EPHX2: variants seen among roughly 807,000 people sequenced by gnomAD.
EPHX2 encodes the protein bifunctional epoxide hydrolase 2.
A neutral mutation model predicts 78.7 loss-of-function variants in EPHX2; 74 were observed. The ratio of observed to expected loss-of-function variants is 0.94; its 90% CI spans 0.78 to 1.14. EPHX2 has a LOEUF of 1.14. Among genes scored for constraint, EPHX2 ranks in the 50% most tolerant of loss-of-function variants. EPHX2 has a pLI of 0.00. For missense variants in EPHX2, 715 were observed against 702.5 expected, an observed-to-expected ratio of 1.02 and a Z score of -0.20; for synonymous variants, 251 against 255.2, an observed-to-expected ratio of 0.98 and a Z score of 0.16.
chr8:27,518,627 G>A (rs1814542661), intron 9 of EPHX2, among the ~76,000 whole-genome samples: 1 of 152,226 alleles, frequency 6.6e-6, no homozygotes, highest in Non-Finnish European at 1.5e-5. Context: ...GAGCCCAGGG[G>A]AGGAAACAGC....
At chr8:27,512,444 C>G (rs1029237839) in intron 6 of EPHX2, among the ~76,000 whole-genome samples, 1 of 152,232 alleles carries the variant, frequency 6.6e-6, no homozygotes, top group Non-Finnish European at 1.5e-5. Flanking sequence ...CAAGACAGAC[C>G]TGTCCTCAAG....
intron 9 of EPHX2, among the ~76,000 whole-genome samples, chr8:27,520,378 C>G (rs1273822410): frequency 6.6e-6 from 1 of 151,084 alleles, no homozygotes; most frequent in African/African-American, 2.4e-5. Flanking sequence ...GATGGAGTTT[C>G]ACTTTGTTAC....
At chr8:27,502,092 C>T (rs1349272237) in intron 2 of EPHX2, among the ~76,000 whole-genome samples, 4 of 152,198 alleles carry the variant, frequency 2.6e-5, no homozygotes, top group East Asian at 3.8e-4. Flanking sequence ...CACATAACCC[C>T]GCTCTGGATA....
rs749968167 is a variant in EPHX2, at chr8:27,511,895, G to A, written c.720G>A (p.Gly240=). The change falls in exon 6 of 19, where the codon GGG becomes GGA. Residue 240 remains glycine (G), a synonymous_variant. Coordinates refer to ENST00000521400, the MANE Select transcript of EPHX2 (RefSeq NM_001979.6). ...TSCNPSDMSH[G]YVTVKPRVRL... ...GCAATCCAAGTGACATGAGCCATGGGTACGTGACAGTAAAGGTGAGTCAGT... is the reference window on the plus strand; with the variant it reads ...GCAATCCAAGTGACATGAGCCATGGATACGTGACAGTAAAGGTGAGTCAGT... 1 of 1,614,100 alleles carries A rather than the reference G, an allele frequency of 6.2e-7. No individual in the cohort carries two copies.
rs11989325 is a variant in EPHX2 at position 27,545,497 on chromosome 8, G to C, written c.*975G>C. 1.4e-4 allele frequency: 21 copies of C among 151,736 alleles called. No individual in the cohort carries two copies. The highest frequency in any genetic ancestry group is 5.1e-4 in the African/African-American group (21 of 41,062). 9.4% of individuals were successfully genotyped at this position (151,736 alleles called of 1,614,324 possible). Reference sequence around the variant, plus strand: ...CCCACATGGTTGGATCCTGAAACTCGCAGGGCCTCCCCCAACTGCCCCTGC... The same window carrying C: ...CCCACATGGTTGGATCCTGAAACTCCCAGGGCCTCCCCCAACTGCCCCTGC... On this transcript the variant is annotated 3_prime_UTR_variant, in exon 19 of 19. Transcript: ENST00000521400.
intron 11 of EPHX2, among the ~76,000 whole-genome samples, chr8:27,523,265 C>T (rs1245426252): frequency 6.6e-6 from 1 of 152,230 alleles, no homozygotes; most frequent in Non-Finnish European, 1.5e-5. Context: ...TGCCTGACTC[C>T]ACAACCAGAA....
At chr8:27,507,762 G>A (rs527459044) in intron 5 of EPHX2, among the ~76,000 whole-genome samples, 2 of 152,276 alleles carry the variant, frequency 1.3e-5, no homozygotes, top group South Asian at 4.1e-4. Flanking sequence ...CTGTTCTGGA[G>A]GCTGGAAGTC....
chr8:27,503,631 A>G lies in EPHX2; in HGVS notation c.214A>G (p.Arg72Gly), dbSNP rs536862077. ...GATACCACTCATGGAAGAAAACTGC[A>G]GGAAGTGCTCCGAGACCGCTAAAGT... ...QWIPLMEENCRKCSETAKVCL... is the reference protein window; with the variant it reads ...QWIPLMEENCGKCSETAKVCL... Residue 72 changes from arginine (R) to glycine (G), a missense_variant, in exon 3 of 19, where the codon AGG becomes GGG. By Grantham distance (125) the Arg-to-Gly change is moderately radical. Coordinates refer to ENST00000521400, the MANE Select transcript of EPHX2 (RefSeq NM_001979.6). The G allele has an allele frequency of 9.1e-5, 147 of 1,612,978 alleles. 1 individual carries two copies. The South Asian group carries it at 1.5e-3, about 17-fold the overall frequency.
intron 14 of EPHX2, among the ~76,000 whole-genome samples, chr8:27,540,278 C>T (rs1205528226): frequency 6.6e-6 from 1 of 152,108 alleles, no homozygotes; most frequent in Non-Finnish European, 1.5e-5. Context: ...CCTGAAAAAG[C>T]CGGCAACTGT....
At chr8:27,494,932 C>G (rs541412838) in intron 1 of EPHX2, among the ~76,000 whole-genome samples, 1 of 152,368 alleles carries the variant, frequency 6.6e-6, no homozygotes, top group South Asian at 2.1e-4. Flanking sequence ...GGGGCTTAAT[C>G]TCTTGGAGAG....
chr8:27,530,527 G>T (rs932823582), intron 12 of EPHX2, among the ~76,000 whole-genome samples: 1 of 152,068 alleles, frequency 6.6e-6, no homozygotes, highest in Non-Finnish European at 1.5e-5. Context: ...GAATCATGCT[G>T]CTTTTTCATT....
intron 9 of EPHX2, among the ~76,000 whole-genome samples, chr8:27,520,673 G>A (rs1454627911): frequency 6.6e-6 from 1 of 152,072 alleles, no homozygotes; most frequent in Non-Finnish European, 1.5e-5. Context: ...AGGACTCCCA[G>A]ACCCGTTGGA....
intron 12 of EPHX2, among the ~76,000 whole-genome samples, chr8:27,528,025 G>T (rs1286459185): frequency 1.3e-5 from 2 of 152,142 alleles, no homozygotes; most frequent in Admixed American, 6.5e-5. Context: ...GGGAGCTTGG[G>T]CTTTGTTCTG....
At chr8:27,492,879 T>C (rs1813432047) in intron 1 of EPHX2, 1 of 153,190 alleles carries the variant, frequency 6.5e-6, no homozygotes. Context: ...CACCTCTCAA[T>C]CCTCCCTCAT....
At position 27,540,636 on chromosome 8, in the gene EPHX2, GT is replaced by G; in HGVS notation, c.1361del (p.Phe454SerfsTer10). ...EEEIQFYVQQ[F>X]KKSGFRGPLN... ...AGGAAATCCAGTTCTATGTGCAGCA[GT>G]TCAAGAAGTCTGGTTTCAGGTAAAG... On this transcript the variant is annotated frameshift_variant, in exon 15 of 19. Coordinates refer to ENST00000521400, the MANE Select transcript of EPHX2 (RefSeq NM_001979.6). LOFTEE classifies it high-confidence loss of function. The G allele has an allele frequency of 6.2e-7, 1 of 1,614,098 alleles. No individual in the cohort carries two copies.
intron 16 of EPHX2, among the ~76,000 whole-genome samples, chr8:27,543,156 G>T (rs1815463787): frequency 6.6e-6 from 1 of 151,778 alleles, no homozygotes; most frequent in South Asian, 2.1e-4. Flanking sequence ...GGGGTGTGGA[G>T]AGATGCCCAT....
intron 1 of EPHX2, among the ~76,000 whole-genome samples, chr8:27,498,586 T>G (rs1207020822): frequency 6.6e-6 from 1 of 152,226 alleles, no homozygotes; most frequent in Non-Finnish European, 1.5e-5. Flanking sequence ...GTTATTTGTT[T>G]ATACCTTGCC....
intron 12 of EPHX2, among the ~76,000 whole-genome samples, chr8:27,527,866 G>C (rs1814902595): frequency 6.6e-6 from 1 of 152,152 alleles, no homozygotes; most frequent in Non-Finnish European, 1.5e-5. Flanking sequence ...GCAACACGAA[G>C]AATTCTCTCC....
intron 6 of EPHX2, among the ~76,000 whole-genome samples, chr8:27,513,614 C>G (rs1814335685): frequency 6.6e-6 from 1 of 152,116 alleles, no homozygotes; most frequent in South Asian, 2.1e-4. Flanking sequence ...GAATCCTAAA[C>G]TGGGTTGATA....
Sources: gnomAD v4.1 joint callset for allele counts (sites outside exome capture counted in the v4.1 genomes callset) on GRCh38, gnomAD v4.1.1 for gene constraint, MANE v1.5 for transcripts, NCBI Gene and HGNC (gene_info 2026-07-23, HGNC 2026-07-21) for gene names.